TMC6: variants seen among roughly 807,000 people sequenced by gnomAD.
The protein encoded by TMC6 is transmembrane channel-like protein 6.
In TMC6, 71 loss-of-function variants were observed where a neutral mutation model predicts 95.4. The ratio of observed to expected loss-of-function variants is 0.74; its 90% CI spans 0.61 to 0.91. The LOEUF (loss-of-function observed/expected upper bound fraction) is 0.91. Among genes scored for constraint, TMC6 ranks in the 40% least tolerant of loss-of-function variants. TMC6 has a pLI of 0.00. For synonymous variants in TMC6, 514 were observed against 483.1 expected (o/e 1.06, Z -0.84); for missense variants, 1,074 against 1,079.1 (o/e 1.00, Z 0.07).
chr17:78,117,547 TG>T lies in TMC6; in HGVS notation c.2118del (p.Arg707GlyfsTer12). On this transcript the variant is annotated frameshift_variant, in exon 17 of 20. Coordinates refer to ENST00000590602, the MANE Select transcript of TMC6 (RefSeq NM_001127198.5). LOFTEE classifies it high-confidence loss of function. ...VWVRHLEAAG[P>X]RVSWLPWVHR... ...TGCACCCAGGGCAGCCAGGAGACCCTGGGGCCTGCCGCCTCCAGGTGGCGCA... is the reference window on the plus strand; with the variant it reads ...TGCACCCAGGGCAGCCAGGAGACCCTGGGCCTGCCGCCTCCAGGTGGCGCA... 1 of 1,599,924 alleles carries T rather than the reference TG, an allele frequency of 6.3e-7. No homozygotes were observed. Among genetic ancestry groups the T allele is most frequent in the Non-Finnish European group, 8.5e-7 (1 of 1,174,886 alleles).
Position 78,121,039 on chromosome 17 carries a change from T to C in TMC6, c.1509A>G (p.Val503=), listed in dbSNP as rs74950907. ...LAALEPHDSP[V]LEVYVAICRN... is the part of the protein sequence containing the mutation. The stretch of plus-strand genomic sequence containing the variant: ...TGCAGATGGCCACGTACACCTCCAG[T>C]ACCGGGGAGTCATGCGGCTCCAGGG... The change falls in exon 12 of 20, where the codon GTA becomes GTG. Residue 503 remains valine, a synonymous_variant. Coordinates refer to ENST00000590602, the MANE Select transcript of TMC6 (RefSeq NM_001127198.5). The surrounding 1 kb of genome is among the most constrained non-coding windows in gnomAD (Gnocchi z 5.6). 586 of 1,613,332 alleles carry C rather than the reference T, an allele frequency of 3.6e-4. 1 individual carries two copies. The highest frequency in any genetic ancestry group is 5.7e-4 in the Admixed American group (34 of 60,018).
In TMC6 at chr17:78,111,883, C is replaced by A. The variant is rs758221424; in HGVS notation, c.*1265G>T. On this transcript the variant is annotated 3_prime_UTR_variant, in exon 20 of 20. Transcript: ENST00000590602. ...CAGGCTGGTCCCCACAAGCCTGGAA[C>A]CCTGCGCCGTGACGGGCTGGTCCCC... 5.2e-5 allele frequency: 12 copies of A among 230,930 alleles called. No homozygotes were observed. The highest frequency in any genetic ancestry group is 8.8e-5 in the Non-Finnish European group (10 of 113,986). 14.3% of individuals were successfully genotyped at this position (230,930 alleles called of 1,614,324 possible).
chr17:78,123,708 T>A (rs1416284327), intron 9 of TMC6, among the ~76,000 whole-genome samples: 1 of 130,146 alleles, frequency 7.7e-6, no homozygotes, highest in Non-Finnish European at 1.6e-5. Context: ...GGGGGGTGAA[T>A]TGAGTGGGTA....
intron 18 of TMC6, 110 bp downstream of exon 18, chr17:78,117,159 C>T (rs2074161479): frequency 8.3e-7 from 1 of 1,206,352 alleles, no homozygotes; most frequent in Non-Finnish European, 1.2e-6. Flanking sequence ...GCAAACAAAC[C>T]CTTTCACCAG....
chr17:78,131,558 G>C, upstream of TMC6: 4 of 1,539,620 alleles, frequency 2.6e-6, no homozygotes, highest in Non-Finnish European at 3.5e-6. Flanking sequence ...CCGGCAGCCC[G>C]GCGCCCCAGC....
chr17:78,129,115 C>CA (rs2074892384), upstream of TMC6, among the ~76,000 whole-genome samples: 1 of 68,216 alleles, frequency 1.5e-5, no homozygotes, highest in African/African-American at 5.4e-5. This position sits in a 1 kb window ranked among gnomAD's most constrained non-coding sequence, Gnocchi z 4.3. Context: ...GATTGGGCAG[C>CA]GCCCCCCCCC....
At position 78,115,110 on chromosome 17, in the gene TMC6, C is replaced by T. The variant is rs576456019; in HGVS notation, c.2278-1486G>A. 2.0e-5 allele frequency among the ~76,000 whole-genome samples: 3 copies of T among 152,358 alleles called. No homozygotes were observed. In the South Asian group the frequency reaches 6.2e-4, roughly 32 times the overall value. On this transcript the variant is annotated intron_variant, in intron 18 of 19. Coordinates refer to ENST00000590602, the MANE Select transcript of TMC6 (RefSeq NM_001127198.5). The stretch of plus-strand genomic sequence containing the variant: ...GCTCTATGTGGTGAAACGGGAAAGG[C>T]AGGAGATGGGACAGTGTGTACTACA...
chr17:78,117,540 G>A lies in TMC6; in HGVS notation c.2126C>T (p.Ser709Phe). Residue 709 changes from serine to phenylalanine, a missense_variant, in exon 17 of 20, where the codon TCC becomes TTC. By Grantham distance (155) the Ser-to-Phe change is radical. Coordinates refer to ENST00000590602, the MANE Select transcript of TMC6 (RefSeq NM_001127198.5). Reference protein sequence around the residue: ...RHLEAAGPRVSWLPWVHRYLM... With the variant: ...RHLEAAGPRVFWLPWVHRYLM... ...GTACCGGTGCACCCAGGGCAGCCAG[G>A]AGACCCTGGGGCCTGCCGCCTCCAG... is the stretch of plus-strand genomic sequence containing the variant. 1 of 1,601,746 alleles carries A rather than the reference G, an allele frequency of 6.2e-7. No homozygotes were observed. Among genetic ancestry groups the A allele is most frequent in the Non-Finnish European group, 8.5e-7 (1 of 1,175,768 alleles).
intron 18 of TMC6, among the ~76,000 whole-genome samples, chr17:78,115,431 A>G (rs1476646529): frequency 6.6e-6 from 1 of 152,064 alleles, no homozygotes; most frequent in Admixed American, 6.5e-5. Context: ...GGGGAGCCCT[A>G]GGGGGAGGGC....
upstream of TMC6, chr17:78,131,769 G>C (rs1442339576): frequency 1.3e-6 from 2 of 1,513,862 alleles, no homozygotes; most frequent in African/African-American, 3.6e-5. Context: ...GACGGTGCGT[G>C]GGGGGGGTGC....
In TMC6 at chr17:78,122,504, C is replaced by A; in HGVS notation, c.1227+101G>T. ...GAGTTCAGCTCACGGACAGCTGGCC[C>A]TCCCTCTAGACCATGGTTCTGGTCA... On this transcript the variant is annotated intron_variant, in intron 10 of 19. Transcript: ENST00000590602. This position sits in a 1 kb window ranked among gnomAD's most constrained non-coding sequence, Gnocchi z 4.9. 6.5e-7 allele frequency: 1 copy of A among 1,539,364 alleles called. No homozygotes were observed. Among genetic ancestry groups the A allele is most frequent in the South Asian group, 1.2e-5 (1 of 84,696 alleles).
At position 78,126,438 on chromosome 17, in the gene TMC6, G is replaced by C. The variant is rs571699671; in HGVS notation, c.182-72C>G. The C allele has an allele frequency of 4.5e-5, 73 of 1,607,078 alleles. No individual in the cohort carries two copies. In the African/African-American group the frequency reaches 9.5e-4, roughly 21 times the overall value. On this transcript the variant is annotated intron_variant, in intron 3 of 19. Transcript: ENST00000590602. ...CCACAGTATCTCCCACCCCATCCCA[G>C]GCCTGCAGAGCTGGGAGGCCCGTCC...
At chr17:78,129,440 C>T (rs879421790), upstream of TMC6, among the ~76,000 whole-genome samples, 2 of 152,156 alleles carry the variant, frequency 1.3e-5, no homozygotes, top group African/African-American at 2.4e-5. This position sits in a 1 kb window ranked among gnomAD's most constrained non-coding sequence, Gnocchi z 4.3. Flanking sequence ...AGGGTGCCCC[C>T]AGCCAAAGCA....
chr17:78,114,723 C>A (rs1412887794), intron 18 of TMC6, among the ~76,000 whole-genome samples: 2 of 152,114 alleles, frequency 1.3e-5, no homozygotes, highest in Non-Finnish European at 2.9e-5. Flanking sequence ...GACCATGGGC[C>A]CCTTAAGCAA....
chr17:78,120,776 C>T lies in TMC6; in HGVS notation c.1592G>A (p.Arg531His), dbSNP rs146998467. The change falls in exon 13 of 20, where the codon CGC (arginine) becomes CAC (histidine). Residue 531 changes from arginine (R) to histidine (H), a missense_variant. By Grantham distance (29) the Arg-to-His change is conservative. Transcript: ENST00000590602. ...CTGGCCCTGCAGGACGCCCACCCTGCGGCCCAGCCAGTGGTAGCACAGTGT... is the reference window on the plus strand; with the variant it reads ...CTGGCCCTGCAGGACGCCCACCCTGTGGCCCAGCCAGTGGTAGCACAGTGT... Reference protein sequence around the residue: ...LGTLCYHWLGRRVGVLQGQCW... With the variant: ...LGTLCYHWLGHRVGVLQGQCW... 7.7e-4 allele frequency: 1,247 copies of T among 1,613,318 alleles called. 12 individuals are homozygous for T. Among genetic ancestry groups the T allele is most frequent in the Middle Eastern group, 1.6e-4 (1 of 6,062 alleles).
upstream of TMC6, chr17:78,131,479 G>C: frequency 1.4e-6 from 2 of 1,460,986 alleles, no homozygotes; most frequent in Non-Finnish European, 1.8e-6. Flanking sequence ...CCCGCCCCCA[G>C]CCCAGCGTGC....
chr17:78,128,807 G>C (rs889557278), upstream of TMC6: 10 of 148,718 alleles, frequency 6.7e-5, 1 homozygote, highest in South Asian at 4.2e-4. This position sits in a 1 kb window ranked among gnomAD's most constrained non-coding sequence, Gnocchi z 4.0. Flanking sequence ...GCGGGGGGGG[G>C]GGGGGCGGGC....
intron 16 of TMC6, 79 bp from the exon 17 acceptor site, chr17:78,117,723 C>G: frequency 6.4e-7 from 1 of 1,563,942 alleles, no homozygotes. Context: ...CTCTGCACCC[C>G]TAAGCCTTGG....
At chr17:78,120,933 A>G (rs2074383242) in intron 12 of TMC6, 80 bp downstream of exon 12, 7 of 1,612,268 alleles carry the variant, frequency 4.3e-6, no homozygotes, top group Non-Finnish European at 5.9e-6. Flanking sequence ...CCTCATCCTA[A>G]GTAGGTTTGG....
Sources: gnomAD v4.1 joint callset for allele counts (sites outside exome capture counted in the v4.1 genomes callset) on GRCh38, gnomAD v4.1.1 for gene constraint, Gnocchi (gnomAD v3.1) non-coding constraint, MANE v1.5 for transcripts, NCBI Gene and HGNC (gene_info 2026-07-23, HGNC 2026-07-21) for gene names.